Variants in MYO1H observed in about 807,000 individuals in gnomAD.
MYO1H encodes myosin IH.
A neutral mutation model predicts 149.3 loss-of-function variants in MYO1H; 118 were observed. The observed-to-expected ratio is 0.79, with a 90% confidence interval of 0.68 to 0.92. The LOEUF (loss-of-function observed/expected upper bound fraction) is 0.92, where lower values mean the gene tolerates loss of function less well. Among genes scored for constraint, MYO1H ranks in the 40% least tolerant of loss-of-function variants. MYO1H has a pLI of 0.00. For missense variants in MYO1H, 1,212 were observed against 1,280.7 expected (o/e 0.95, Z 0.82); for synonymous variants, 447 against 465.2 (o/e 0.96, Z 0.50).
chr12:109,442,892 A>C (rs61941569), intron 27 of MYO1H, among the ~76,000 whole-genome samples: 9,994 of 145,710 alleles, frequency 0.069, 441 homozygotes, highest in Admixed American at 0.11. Context: ...ATCTCTGACC[A>C]TCAGAGCAGA....
intron 1 of MYO1H, among the ~76,000 whole-genome samples, chr12:109,362,768 T>C (rs1354919275): frequency 6.6e-6 from 1 of 152,210 alleles, no homozygotes. Flanking sequence ...GGAATGAGGA[T>C]CTTAATCACC....
At chr12:109,337,890 G>A in the MYO1H span, among the ~76,000 whole-genome samples, 1 of 152,154 alleles carries the variant, frequency 6.6e-6, no homozygotes, top group Non-Finnish European at 1.5e-5. Context: ...TCAGTAGACA[G>A]TTGGGATGTT....
chr12:109,341,189 G>GA, the MYO1H span, among the ~76,000 whole-genome samples: 4,406 of 95,222 alleles, frequency 0.046, 260 homozygotes, highest in African/African-American at 0.097. Flanking sequence ...ACTCCATCTC[G>GA]AAAAAAAAAA....
chr12:109,316,002 A>G, the MYO1H span, among the ~76,000 whole-genome samples: 1 of 152,200 alleles, frequency 6.6e-6, no homozygotes, highest in Non-Finnish European at 1.5e-5. Context: ...TTGATTTCAA[A>G]TAAGTATATT....
intron 14 of MYO1H, among the ~76,000 whole-genome samples, chr12:109,414,139 C>T (rs958750629): frequency 2.0e-5 from 3 of 152,090 alleles, no homozygotes; most frequent in Admixed American, 6.6e-5. Context: ...TATATGTGTG[C>T]TGTCAATATG....
At chr12:109,440,798 C>T (rs60569210) in exon 25 of MYO1H, 373 of 1,563,954 alleles carry the variant, frequency 2.4e-4, no homozygotes, top group East Asian at 2.2e-3. Context: ...GAAGTACTGC[C>T]GCGGGATCAC....
intron 3 of MYO1H, among the ~76,000 whole-genome samples, chr12:109,394,465 T>C (rs945296304): frequency 6.6e-6 from 1 of 152,208 alleles, no homozygotes; most frequent in African/African-American, 2.4e-5. Flanking sequence ...AACCTTACCA[T>C]TTTAAATAAT....
chr12:109,389,790 A>G (rs1048128278), intron 2 of MYO1H, among the ~76,000 whole-genome samples: 1 of 152,284 alleles, frequency 6.6e-6, no homozygotes, highest in East Asian at 1.9e-4. Flanking sequence ...AGAGTAAATT[A>G]GACAGAAGTG....
exon 11 of MYO1H, chr12:109,409,623 G>T: frequency 6.2e-7 from 1 of 1,610,030 alleles, no homozygotes; most frequent in Non-Finnish European, 8.5e-7. Context: ...TGACAAGAAT[G>T]GGTATGTTTT....
chr12:109,408,088 A>G, intron 10 of MYO1H, 175 bp downstream of exon 10: 1 of 765,702 alleles, frequency 1.3e-6, no homozygotes, highest in Non-Finnish European at 2.1e-6. Context: ...TGCATGCCGA[A>G]TGACTTATAC....
At chr12:109,331,620 CTT>C in the MYO1H span, among the ~76,000 whole-genome samples, 8 of 152,312 alleles carry the variant, frequency 5.3e-5, no homozygotes, top group South Asian at 1.7e-3. Flanking sequence ...AGCTTTCACT[CTT>C]TGCTTCCTCA....
At position 109,428,104 on chromosome 12, in the gene MYO1H, CA is replaced by C. The variant is rs200941287; in HGVS notation, c.1949+529del. On this transcript the variant is annotated intron_variant, in intron 19 of 31. Coordinates refer to ENST00000310903, the Ensembl canonical transcript of MYO1H. ...CCATCTCAAAAACAAAACAAAACAA[CA>C]AAAAAAAAAACTCACAAAAATTCAG... Among the ~76,000 whole-genome samples the C allele has an allele frequency of 8.8e-4, 122 of 137,904 alleles. 1 individual carries two copies. The highest frequency in any genetic ancestry group is 2.0e-3 in the African/African-American group (77 of 37,900). The allele number at this position is 137,904 out of a possible 152,430, so 90.5% of individuals were successfully genotyped here. A position where few individuals can be genotyped will look rare whatever the true frequency, so the allele number is the denominator to read the frequency against.
exon 30 of MYO1H, chr12:109,444,514 A>ATGT (rs767059272): frequency 6.2e-7 from 1 of 1,613,794 alleles, no homozygotes; most frequent in Non-Finnish European, 8.5e-7. Flanking sequence ...AACATTGTCA[A>ATGT]TGTTGTTCAA....
At chr12:109,422,376 C>T (rs1486263939) in intron 16 of MYO1H, among the ~76,000 whole-genome samples, 4 of 152,168 alleles carry the variant, frequency 2.6e-5, no homozygotes, top group African/African-American at 2.4e-5. Context: ...ACCAGACAGT[C>T]GCTCTCTGGG....
At chr12:109,439,531 T>G (rs1369440932) in intron 23 of MYO1H, 100 bp from the exon 24 acceptor site, 7 of 852,278 alleles carry the variant, frequency 8.2e-6, no homozygotes, top group Non-Finnish European at 1.2e-5. Context: ...CTCCACAGCC[T>G]CTACCACTTT....
At chr12:109,409,187 T>TTCTCCA (rs140807581) in intron 10 of MYO1H, among the ~76,000 whole-genome samples, 2 of 148,038 alleles carry the variant, frequency 1.4e-5, no homozygotes, top group East Asian at 1.9e-4. Flanking sequence ...ATAGGTCCTT[T>TTCTCCA]TCTCCATCTC....
Position 109,410,682 on chromosome 12 carries a change from T to A in MYO1H, c.1330-6T>A, listed in dbSNP as rs1870624740. On this transcript the variant is annotated splice_polypyrimidine_tract_variant and splice_region_variant and intron_variant, in intron 12 of 31. Coordinates refer to ENST00000310903, the Ensembl canonical transcript of MYO1H. ...TTGGAGAATTCATTCCTCTTTGTCATTTTAGTGGGAGCCAATTAAATATTT... is the reference window on the plus strand; with the variant it reads ...TTGGAGAATTCATTCCTCTTTGTCAATTTAGTGGGAGCCAATTAAATATTT... 3 of 1,589,554 alleles carry A rather than the reference T, an allele frequency of 1.9e-6. No homozygotes were observed. The South Asian group carries it at 3.4e-5, about 18-fold the overall frequency.
the MYO1H span, among the ~76,000 whole-genome samples, chr12:109,313,806 A>G: frequency 1.3e-5 from 2 of 152,168 alleles, no homozygotes; most frequent in Non-Finnish European, 2.9e-5. Flanking sequence ...TCCTTTTATA[A>G]TAACCTCATT....
At chr12:109,354,630 A>AAAAAGAAAG (rs1555247918) in intron 1 of MYO1H, among the ~76,000 whole-genome samples, 7 of 134,046 alleles carry the variant, frequency 5.2e-5, no homozygotes, top group Admixed American at 1.6e-4. Context: ...AAAAAAAAAA[A>AAAAAGAAAG]AAAAGAAAAG....
Sources: allele counts gnomAD v4.1 joint callset (sites outside exome capture counted in the v4.1 genomes callset), GRCh38; gene constraint gnomAD v4.1.1; transcripts MANE v1.5; gene names NCBI Gene and HGNC (gene_info 2026-07-23, HGNC 2026-07-21).